AGBL4: variants seen among roughly 807,000 people sequenced by gnomAD.
AGBL4 encodes AGBL carboxypeptidase 4.
AGBL4 carries 58 observed loss-of-function variants against 66.4 expected under a neutral mutation model. The observed-to-expected ratio is 0.87, with a 90% CI of 0.71 to 1.09. AGBL4 has a LOEUF of 1.09. Ranked by LOEUF, AGBL4 falls within the 50% of genes least tolerant of loss-of-function variation. The pLI is 0.00. For missense variants in AGBL4, 579 were observed against 631.0 expected (o/e 0.92, Z 0.88); for synonymous variants, 234 against 222.9 (o/e 1.05, Z -0.44).
chr1:49,640,337 C>A (rs1193177966), intron 3 of AGBL4, among the ~76,000 whole-genome samples: 1 of 152,092 alleles, frequency 6.6e-6, no homozygotes, highest in Non-Finnish European at 1.5e-5. Flanking sequence ...GAAGACAGCA[C>A]CAACTGTAAT....
intron 9 of AGBL4, among the ~76,000 whole-genome samples, chr1:48,605,127 G>A (rs547433824): frequency 2.6e-4 from 39 of 152,260 alleles, no homozygotes; most frequent in African/African-American, 7.9e-4. Flanking sequence ...GCTAGTAAGC[G>A]TCAGAGCCAA....
At chr1:49,057,054 G>C (rs1644320975) in intron 4 of AGBL4, among the ~76,000 whole-genome samples, 1 of 152,094 alleles carries the variant, frequency 6.6e-6, no homozygotes, top group Admixed American at 6.6e-5. Context: ...ACTCTGCCAA[G>C]CTTCCTTTTT....
At chr1:49,405,208 C>A (rs1426532244) in intron 3 of AGBL4, among the ~76,000 whole-genome samples, 1 of 152,096 alleles carries the variant, frequency 6.6e-6, no homozygotes. Context: ...TCAGAGAGGC[C>A]CAGTCACCTC....
At chr1:48,541,800 A>AT (rs1644075877) in intron 11 of AGBL4, among the ~76,000 whole-genome samples, 1 of 152,172 alleles carries the variant, frequency 6.6e-6, no homozygotes, top group African/African-American at 2.4e-5. Context: ...AAATAAATAA[A>AT]TAATAGCTAA....
chr1:49,239,308 T>C (rs1487762643), intron 4 of AGBL4, among the ~76,000 whole-genome samples: 1 of 152,176 alleles, frequency 6.6e-6, no homozygotes, highest in African/African-American at 2.4e-5. Flanking sequence ...TTGGAGAACA[T>C]GTATAACAGG....
chr1:49,998,360 T>C (rs1157194033), intron 1 of AGBL4, among the ~76,000 whole-genome samples: 1 of 151,944 alleles, frequency 6.6e-6, no homozygotes, highest in East Asian at 1.9e-4. Flanking sequence ...TTCCTAGAAA[T>C]ATACAACCCT....
chr1:48,698,647 T>C lies in AGBL4; in HGVS notation c.635-35406A>G, dbSNP rs1340310662. 3.3e-5 allele frequency among the ~76,000 whole-genome samples: 5 copies of C among 152,196 alleles called. No individual in the cohort carries two copies. In the South Asian group the frequency reaches 1.0e-3, roughly 31 times the overall value. On this transcript the variant is annotated intron_variant, in intron 6 of 13. Transcript: ENST00000371839. ...ATTTGATGAATTGGGAGACCAAGGC[T>C]CATACAGGAGACAAACCTTGCCCAA...
intron 6 of AGBL4, among the ~76,000 whole-genome samples, chr1:48,663,973 A>T (rs901539622): frequency 6.6e-6 from 1 of 152,184 alleles, no homozygotes; most frequent in African/African-American, 2.4e-5. Flanking sequence ...TAAACAACTA[A>T]AAAACTGGAC....
At chr1:49,419,910 G>A (rs2148640350) in intron 3 of AGBL4, among the ~76,000 whole-genome samples, 1 of 152,302 alleles carries the variant, frequency 6.6e-6, no homozygotes, top group South Asian at 2.1e-4. Context: ...GCTGTTCAAA[G>A]TGTGATTCTT....
intron 12 of AGBL4, among the ~76,000 whole-genome samples, chr1:48,539,138 T>C (rs1385566796): frequency 6.6e-6 from 1 of 152,188 alleles, no homozygotes; most frequent in Non-Finnish European, 1.5e-5. Flanking sequence ...CAAGGGTGTG[T>C]CCTCTCCAGC....
chr1:48,601,664 T>C (rs1463269258), intron 9 of AGBL4, among the ~76,000 whole-genome samples: 1 of 152,192 alleles, frequency 6.6e-6, no homozygotes, highest in Non-Finnish European at 1.5e-5. Flanking sequence ...CATTTGATTC[T>C]TTCAACACTC....
chr1:49,723,283 T>A (rs528131652), intron 2 of AGBL4, among the ~76,000 whole-genome samples: 2 of 152,264 alleles, frequency 1.3e-5, no homozygotes, highest in Admixed American at 6.5e-5. Context: ...TGCCTCAGTT[T>A]ATTTATTTAG....
At chr1:49,896,133 C>A (rs1412082744) in intron 1 of AGBL4, among the ~76,000 whole-genome samples, 2 of 151,862 alleles carry the variant, frequency 1.3e-5, no homozygotes, top group Non-Finnish European at 2.9e-5. Context: ...TAAGACAAGA[C>A]AAAGAAAGTC....
At chr1:49,641,064 G>A (rs761835234) in intron 3 of AGBL4, among the ~76,000 whole-genome samples, 5 of 152,058 alleles carry the variant, frequency 3.3e-5, no homozygotes, top group Admixed American at 6.6e-5. Context: ...AATGCACCCC[G>A]TGAGCCTAAA....
At chr1:48,797,719 G>C (rs1342042719) in intron 6 of AGBL4, among the ~76,000 whole-genome samples, 3 of 151,964 alleles carry the variant, frequency 2.0e-5, no homozygotes, top group Non-Finnish European at 4.4e-5. Flanking sequence ...GCTAATTTTT[G>C]TATTTTTAGT....
At chr1:48,523,123 A>G in the AGBL4 span, among the ~76,000 whole-genome samples, 1 of 152,084 alleles carries the variant, frequency 6.6e-6, no homozygotes, top group East Asian at 1.9e-4. Context: ...CATTTTGTAG[A>G]TGGGAAAACT....
chr1:49,247,624 G>A (rs1651749744), intron 3 of AGBL4, among the ~76,000 whole-genome samples: 1 of 151,964 alleles, frequency 6.6e-6, no homozygotes, highest in African/African-American at 2.4e-5. Flanking sequence ...TCCATTTCCA[G>A]TGAACCTGGA....
chr1:49,515,245 C>A (rs1181913109), intron 3 of AGBL4, among the ~76,000 whole-genome samples: 2 of 152,092 alleles, frequency 1.3e-5, no homozygotes, highest in Non-Finnish European at 2.9e-5. Flanking sequence ...ACAGACACTT[C>A]TCAAAAGAAG....
intron 6 of AGBL4, chr1:48,728,133 C>T (rs1647472386): frequency 1.7e-6 from 2 of 1,183,896 alleles, no homozygotes; most frequent in Non-Finnish European, 2.4e-6. Context: ...TACCTCCCAA[C>T]ATACTTCCCA....
Sources: gnomAD v4.1 joint callset for allele counts (sites outside exome capture counted in the v4.1 genomes callset) on GRCh38, gnomAD v4.1.1 for gene constraint, MANE v1.5 for transcripts, NCBI Gene and HGNC (gene_info 2026-07-23, HGNC 2026-07-21) for gene names.